The following ZNF451 variants were observed in gnomAD, a reference collection of about 807,000 sequenced individuals.
ZNF451 encodes E3 SUMO-protein ligase ZNF451.
In ZNF451, 80 loss-of-function variants were observed where a neutral mutation model predicts 107.1. That is an observed-to-expected ratio of 0.75 (90% confidence interval 0.62 to 0.90). The LOEUF is 0.90. ZNF451 is among the 40% of genes least tolerant of loss of function. ZNF451 has a pLI of 0.00. For missense variants in ZNF451, 1,107 were observed against 1,236.2 expected (o/e 0.90, Z 1.57); for synonymous variants, 362 against 406.5 (o/e 0.89, Z 1.32).
Position 57,152,214 on chromosome 6 carries a change from T to A in ZNF451, c.2753-7T>A, listed in dbSNP as rs1832384295. The A allele has an allele frequency of 6.3e-7, 1 of 1,596,736 alleles. No homozygotes were observed. Among genetic ancestry groups the A allele is most frequent in the Non-Finnish European group, 8.5e-7 (1 of 1,173,028 alleles). ...ATTATCATTTTTGCCTTTTCTAAAA[T>A]TAATAGGAGGAAACACCAATTGGAA... On this transcript the variant is annotated splice_polypyrimidine_tract_variant and splice_region_variant and intron_variant, in intron 11 of 14. Coordinates refer to ENST00000370706, the MANE Select transcript of ZNF451 (RefSeq NM_001031623.3).
chr6:57,148,083 A>C lies in ZNF451; in HGVS notation c.1998A>C (p.Lys666Asn), dbSNP rs757014314. 1 of 1,614,090 alleles carries C rather than the reference A, an allele frequency of 6.2e-7. No individual in the cohort carries two copies. Among genetic ancestry groups the C allele is most frequent in the Non-Finnish European group, 8.5e-7 (1 of 1,179,978 alleles). Residue 666 changes from lysine to asparagine, a missense_variant, in exon 10 of 15, where the codon AAA (lysine) becomes AAC (asparagine). Transcript: ENST00000370706. ...QDEHDNEIKI[K>N]YFCGLCDLIF... ...AGCATGACAATGAGATAAAGATTAA[A>C]TACTTCTGTGGGCTTTGTGATCTTA...
intron 3 of ZNF451, among the ~76,000 whole-genome samples, chr6:57,119,168 G>A (rs1830513288): frequency 6.6e-6 from 1 of 152,156 alleles, no homozygotes; most frequent in South Asian, 2.1e-4. Flanking sequence ...AAATTGGGTT[G>A]TACATATGTG....
At position 57,134,782 on chromosome 6, in the gene ZNF451, A is replaced by G. The variant is rs867049921; in HGVS notation, c.614A>G (p.His205Arg). Residue 205 changes from histidine (H) to arginine (R), a missense_variant, in exon 7 of 15, where the codon CAT (histidine) becomes CGT (arginine). By Grantham distance (29) the His-to-Arg change is conservative. Transcript: ENST00000370706. ...CCATGTGATCCAACAATTACACTAC[A>G]TGGACCTTTCTTCAGCTCCTTTGCT... ...HSPCDPTITL[H>R]GPFFSSFACV... 1.7e-5 allele frequency: 27 copies of G among 1,613,286 alleles called. No homozygotes were observed. In the Middle Eastern group the frequency reaches 1.9e-3, roughly 112 times the overall value.
intron 10 of ZNF451, 125 bp downstream of exon 10, chr6:57,148,818 A>G (rs1228540068): frequency 3.1e-5 from 28 of 898,134 alleles, no homozygotes; most frequent in Non-Finnish European, 3.7e-5. Context: ...TTATTATGGT[A>G]TATACATTTT....
At chr6:57,154,744 G>A (rs1256532696) in intron 13 of ZNF451, among the ~76,000 whole-genome samples, 1 of 152,084 alleles carries the variant, frequency 6.6e-6, no homozygotes, top group Admixed American at 6.6e-5. Flanking sequence ...AAGAAATATG[G>A]ATAGAATAAT....
chr6:57,099,015 T>C, intron 2 of ZNF451, 46 bp from the exon 3 acceptor site: 1 of 1,516,162 alleles, frequency 6.6e-7, no homozygotes, highest in Non-Finnish European at 9.2e-7. Context: ...GCTAATTTGG[T>C]TTGAATAACT....
intron 3 of ZNF451, among the ~76,000 whole-genome samples, chr6:57,113,175 T>A (rs1830189993): frequency 6.6e-6 from 1 of 152,166 alleles, no homozygotes; most frequent in African/African-American, 2.4e-5. Context: ...TGTCTGCTGT[T>A]CCCCTATTTG....
At chr6:57,146,187 T>C (rs1303258369) in intron 9 of ZNF451, among the ~76,000 whole-genome samples, 1 of 152,206 alleles carries the variant, frequency 6.6e-6, no homozygotes, top group Non-Finnish European at 1.5e-5. Flanking sequence ...ATTAGTCCTT[T>C]GTCAGATGCA....
At chr6:57,118,246 A>G (rs923117669) in intron 3 of ZNF451, among the ~76,000 whole-genome samples, 12 of 151,630 alleles carry the variant, frequency 7.9e-5, no homozygotes, top group Non-Finnish European at 1.3e-4. Flanking sequence ...ACAGTAATTT[A>G]TACCTTGTCC....
chr6:57,092,771 T>A (rs1452548632), intron 2 of ZNF451: 2 of 152,182 alleles, frequency 1.3e-5, no homozygotes, highest in Non-Finnish European at 2.9e-5. Flanking sequence ...CTAACCTAAT[T>A]TTCCCACTTT....
chr6:57,105,677 T>C (rs1254408743), intron 3 of ZNF451: 94 of 985,306 alleles, frequency 9.5e-5, no homozygotes, highest in Non-Finnish European at 1.1e-4. Flanking sequence ...TTAAGGCAGC[T>C]TTGTTTTCTA....
intron 3 of ZNF451, chr6:57,106,820 CTTT>C: frequency 1.0e-6 from 1 of 984,710 alleles, no homozygotes; most frequent in Non-Finnish European, 1.2e-6. Context: ...ACAAACCAGT[CTTT>C]ATTTTTTACT....
At chr6:57,129,609 G>A (rs1831087598) in intron 5 of ZNF451, among the ~76,000 whole-genome samples, 1 of 152,090 alleles carries the variant, frequency 6.6e-6, no homozygotes. Context: ...TAGTTTTCAA[G>A]GGCTTTGCTT....
rs1029949344 is a variant in ZNF451, at chr6:57,170,275, G to T, written c.*1806G>T. ...ATCAGAGAAAGCTATATGGATTATC[G>T]TCAGAAGTAAATGTTTCTAACATTG... On this transcript the variant is annotated 3_prime_UTR_variant, in exon 15 of 15. Transcript: ENST00000370706. 3.3e-5 allele frequency: 5 copies of T among 152,138 alleles called. No homozygotes were observed. The highest frequency in any genetic ancestry group is 1.2e-4 in the African/African-American group (5 of 41,426). 9.4% of individuals were successfully genotyped at this position (152,138 alleles called of 1,614,324 possible).
Position 57,169,414 on chromosome 6 carries a change from C to T in ZNF451, c.*945C>T, listed in dbSNP as rs1764035468. ...TATTTAATTCTTAAATATTGAGGCC[C>T]CATTGTGAGTAATAAAAAATACGAC... On this transcript the variant is annotated 3_prime_UTR_variant, in exon 15 of 15. Transcript: ENST00000370706. The T allele has an allele frequency of 1.3e-5, 2 of 151,816 alleles. No homozygotes were observed. The highest frequency in any genetic ancestry group is 4.2e-4 in the South Asian group (2 of 4,806). 9.4% of individuals were successfully genotyped at this position (151,816 alleles called of 1,614,324 possible). A position where few individuals can be genotyped will look rare whatever the true frequency, so the allele number is the denominator to read the frequency against.
intron 3 of ZNF451, chr6:57,124,399 A>C: frequency 2.8e-6 from 2 of 713,044 alleles, no homozygotes; most frequent in Non-Finnish European, 5.2e-6. Flanking sequence ...GATGTTCTTT[A>C]TTTACCTCTC....
chr6:57,101,068 G>A (rs1312443722), intron 3 of ZNF451: 1 of 1,550,684 alleles, frequency 6.4e-7, no homozygotes, highest in Non-Finnish European at 8.7e-7. Context: ...GAACTCCTCA[G>A]TTCCTTGGGA....
At chr6:57,155,583 C>T (rs1763381697) in intron 13 of ZNF451, among the ~76,000 whole-genome samples, 1 of 152,198 alleles carries the variant, frequency 6.6e-6, no homozygotes, top group Non-Finnish European at 1.5e-5. Flanking sequence ...TTTACCTTTG[C>T]CGCACAAGGC....
chr6:57,160,622 A>G (rs1365854187), intron 13 of ZNF451, among the ~76,000 whole-genome samples: 1 of 152,146 alleles, frequency 6.6e-6, no homozygotes, highest in Non-Finnish European at 1.5e-5. Flanking sequence ...GGTGTGAACA[A>G]CCACGCCTGG....
Sources: gnomAD v4.1 joint callset for allele counts (sites outside exome capture counted in the v4.1 genomes callset) on GRCh38, gnomAD v4.1.1 for gene constraint, MANE v1.5 for transcripts, NCBI Gene and HGNC (gene_info 2026-07-23, HGNC 2026-07-21) for gene names.